MAGI1: variants seen among roughly 807,000 people sequenced by gnomAD.
The protein encoded by MAGI1 is membrane-associated guanylate kinase, WW and PDZ domain-containing protein 1.
MAGI1 carries 58 observed loss-of-function variants against 139.9 expected under a neutral mutation model. The observed-to-expected ratio is 0.41, with a 90% CI of 0.34 to 0.52. The LOEUF (loss-of-function observed/expected upper bound fraction) is 0.52, where lower values mean the gene tolerates loss of function less well. Ranked by LOEUF, MAGI1 falls within the 20% of genes least tolerant of loss-of-function variation. The probability of loss-of-function intolerance (pLI) is 0.12; values close to 1 mark genes in which losing one functional copy is unlikely to be tolerated. For synonymous variants in MAGI1, 812 were observed against 737.9 expected, an observed-to-expected ratio of 1.10 and a Z score of -1.63; for missense variants, 1,874 against 1,901.6, an observed-to-expected ratio of 0.99 and a Z score of 0.27.
intron 1 of MAGI1, among the ~76,000 whole-genome samples, chr3:65,719,271 A>G (rs987142147): frequency 6.6e-6 from 1 of 151,034 alleles, no homozygotes; most frequent in Non-Finnish European, 1.5e-5. Context: ...ACACATACAT[A>G]TATATACACA....
intron 1 of MAGI1, among the ~76,000 whole-genome samples, chr3:65,891,181 G>A (rs1356550235): frequency 6.0e-5 from 9 of 149,084 alleles, no homozygotes; most frequent in African/African-American, 1.5e-4. Context: ...CAGCCTGGGC[G>A]ACTGAGTGAG....
intron 2 of MAGI1, among the ~76,000 whole-genome samples, chr3:65,505,747 C>T (rs1346675059): frequency 6.6e-6 from 1 of 151,446 alleles, no homozygotes; most frequent in Non-Finnish European, 1.5e-5. Context: ...TCAATGGTTG[C>T]ACAGTTCTGT....
intron 1 of MAGI1, among the ~76,000 whole-genome samples, chr3:66,034,232 A>T (rs907091453): frequency 1.4e-5 from 2 of 143,420 alleles, no homozygotes; most frequent in African/African-American, 5.2e-5. Flanking sequence ...ATTTCTAACC[A>T]GTTCCCAGGT....
At chr3:65,860,697 A>G (rs1301003735) in intron 1 of MAGI1, among the ~76,000 whole-genome samples, 1 of 152,172 alleles carries the variant, frequency 6.6e-6, no homozygotes, top group East Asian at 1.9e-4. Flanking sequence ...AACAGATTCC[A>G]TGGGGGAGAA....
intron 1 of MAGI1, among the ~76,000 whole-genome samples, chr3:65,652,858 G>A (rs945795324): frequency 4.6e-5 from 7 of 152,118 alleles, no homozygotes; most frequent in African/African-American, 7.2e-5. Flanking sequence ...ACCAATGACC[G>A]GAATTATTAT....
At chr3:65,421,184 A>T (rs1456943208) in intron 12 of MAGI1, among the ~76,000 whole-genome samples, 1 of 152,212 alleles carries the variant, frequency 6.6e-6, no homozygotes, top group African/African-American at 2.4e-5. Flanking sequence ...AAGAATTCTC[A>T]AATAAAATCC....
intron 2 of MAGI1, among the ~76,000 whole-genome samples, chr3:65,497,541 G>C (rs1386396735): frequency 6.6e-6 from 1 of 151,976 alleles, no homozygotes; most frequent in Non-Finnish European, 1.5e-5. Context: ...CTCATCTTCA[G>C]CCTCCATACC....
chr3:65,417,092 G>A (rs1380558325), intron 12 of MAGI1, among the ~76,000 whole-genome samples: 2 of 152,116 alleles, frequency 1.3e-5, no homozygotes, highest in Non-Finnish European at 1.5e-5. Context: ...AAATGCTTCC[G>A]ATAGAAGTAG....
At chr3:65,981,638 T>C (rs2107276954) in intron 1 of MAGI1, among the ~76,000 whole-genome samples, 1 of 152,320 alleles carries the variant, frequency 6.6e-6, no homozygotes, top group Admixed American at 6.5e-5. Flanking sequence ...CCACGTGTTG[T>C]GGGAGGCACC....
intron 1 of MAGI1, among the ~76,000 whole-genome samples, chr3:65,919,592 C>A (rs1452153783): frequency 6.8e-6 from 1 of 147,704 alleles, no homozygotes; most frequent in Non-Finnish European, 1.5e-5. Context: ...AACAAACAAA[C>A]AAAAAAGAAA....
At chr3:65,577,565 C>G (rs1305451595) in intron 2 of MAGI1, among the ~76,000 whole-genome samples, 2 of 152,188 alleles carry the variant, frequency 1.3e-5, no homozygotes, top group Non-Finnish European at 2.9e-5. Context: ...TGGCCCTGCA[C>G]AGCTGTCAAA....
At chr3:65,788,764 C>T (rs1577122194) in intron 1 of MAGI1, among the ~76,000 whole-genome samples, 1 of 152,112 alleles carries the variant, frequency 6.6e-6, no homozygotes, top group Admixed American at 6.5e-5. Context: ...AATATTAGCT[C>T]AATACTAGCC....
At chr3:65,838,304 T>TCAAAA (rs138806909) in intron 1 of MAGI1, among the ~76,000 whole-genome samples, 16,512 of 151,548 alleles carry the variant, frequency 0.11, 1,210 homozygotes, top group South Asian at 0.27. Flanking sequence ...AGAGTGAGAC[T>TCAAAA]CAAAACAAAA....
chr3:65,998,373 T>C (rs2107421161), intron 1 of MAGI1, among the ~76,000 whole-genome samples: 1 of 152,298 alleles, frequency 6.6e-6, no homozygotes, highest in South Asian at 2.1e-4. Flanking sequence ...GGGTAGTTTG[T>C]TACATAGCTT....
chr3:65,709,916 T>A (rs776042682), intron 1 of MAGI1, among the ~76,000 whole-genome samples: 8 of 152,344 alleles, frequency 5.3e-5, no homozygotes, highest in Middle Eastern at 3.4e-3. Context: ...CCTAGAAGTA[T>A]CTGGTGTGAA....
intron 2 of MAGI1, among the ~76,000 whole-genome samples, chr3:65,611,144 A>G (rs2106938324): frequency 7.1e-6 from 1 of 140,456 alleles, no homozygotes; most frequent in East Asian, 2.1e-4. Context: ...TAAATAGTAT[A>G]TAGTATATAT....
At chr3:65,997,406 C>T (rs2066505402) in intron 1 of MAGI1, among the ~76,000 whole-genome samples, 2 of 152,172 alleles carry the variant, frequency 1.3e-5, no homozygotes, top group Admixed American at 1.3e-4. Context: ...CCTGTAATCC[C>T]AGCACTTTGG....
chr3:65,996,129 A>G (rs936913481), intron 1 of MAGI1, among the ~76,000 whole-genome samples: 8 of 152,200 alleles, frequency 5.3e-5, no homozygotes, highest in African/African-American at 1.7e-4. Flanking sequence ...GTTAGGTAAC[A>G]CTACTGAACT....
chr3:65,953,701 G>A (rs1240790512), intron 1 of MAGI1, among the ~76,000 whole-genome samples: 1 of 152,180 alleles, frequency 6.6e-6, no homozygotes, highest in Non-Finnish European at 1.5e-5. Context: ...GGCTCACAGG[G>A]CCAGATAAAT....
Sources: allele counts gnomAD v4.1 joint callset (sites outside exome capture counted in the v4.1 genomes callset), GRCh38; gene constraint gnomAD v4.1.1; transcripts MANE v1.5; gene names NCBI Gene and HGNC (gene_info 2026-07-23, HGNC 2026-07-21).